PRMT3: variants seen among roughly 807,000 people sequenced by gnomAD.
PRMT3 encodes protein arginine N-methyltransferase 3.
PRMT3 carries 62 observed loss-of-function variants against 71.9 expected under a neutral mutation model. The observed-to-expected ratio is 0.86, with a 90% CI of 0.70 to 1.07. The LOEUF (loss-of-function observed/expected upper bound fraction) is 1.07, where lower values mean the gene tolerates loss of function less well. PRMT3 is among the 50% of genes least tolerant of loss of function. The pLI, the probability that PRMT3 is intolerant of heterozygous loss-of-function variation, is 0.00. For synonymous variants in PRMT3, 213 were observed against 220.4 expected (o/e 0.97, Z 0.30); for missense variants, 663 against 643.0 (o/e 1.03, Z -0.34).
intron 9 of PRMT3, among the ~76,000 whole-genome samples, chr11:20,418,425 A>T (rs1158962790): frequency 6.6e-6 from 1 of 152,198 alleles, no homozygotes; most frequent in Non-Finnish European, 1.5e-5. Context: ...AATTAATGGG[A>T]ATTACAAGGC....
intron 7 of PRMT3, among the ~76,000 whole-genome samples, chr11:20,399,516 T>C (rs1041140343): frequency 2.0e-5 from 3 of 152,220 alleles, no homozygotes; most frequent in African/African-American, 7.2e-5. Context: ...ATTTTCTTTA[T>C]TAAAATTAAT....
chr11:20,436,483 G>T (rs1849763194), intron 10 of PRMT3, among the ~76,000 whole-genome samples: 1 of 152,118 alleles, frequency 6.6e-6, no homozygotes, highest in South Asian at 2.1e-4. Context: ...CTTGTTGAGA[G>T]TATTTATCAT....
At chr11:20,482,782 G>A (rs1850970067) in intron 13 of PRMT3, among the ~76,000 whole-genome samples, 1 of 151,414 alleles carries the variant, frequency 6.6e-6, no homozygotes, top group Middle Eastern at 3.4e-3. Flanking sequence ...TTATGTATAT[G>A]TATGTATTAA....
At chr11:20,391,770 A>G (rs949285519) in intron 3 of PRMT3, among the ~76,000 whole-genome samples, 2 of 152,200 alleles carry the variant, frequency 1.3e-5, no homozygotes, top group African/African-American at 4.8e-5. Context: ...AACAAGCCTT[A>G]TTGGGCTTGC....
chr11:20,480,523 C>T (rs954980078), intron 13 of PRMT3, among the ~76,000 whole-genome samples: 1 of 151,982 alleles, frequency 6.6e-6, no homozygotes, highest in Non-Finnish European at 1.5e-5. Flanking sequence ...TGCTATTTGG[C>T]CGTTTCAGTT....
At chr11:20,437,398 T>C (rs6483684) in intron 10 of PRMT3, among the ~76,000 whole-genome samples, 148,154 of 152,252 alleles carry the variant, frequency 0.97, 72,412 homozygotes, top group Middle Eastern at 1. Context: ...TTGCCTTTTC[T>C]AGACTTCCTA....
intron 13 of PRMT3, among the ~76,000 whole-genome samples, chr11:20,486,436 A>G (rs1184045005): frequency 2.0e-5 from 3 of 152,198 alleles, no homozygotes; most frequent in African/African-American, 7.2e-5. Context: ...TTACCTTTAA[A>G]GAAGAGCTAA....
intron 13 of PRMT3, among the ~76,000 whole-genome samples, chr11:20,490,586 GAGCTTTTGTGAAAATTTGGGTTTAAAAGC>G (rs1416279347): frequency 6.6e-6 from 1 of 151,886 alleles, no homozygotes; most frequent in African/African-American, 2.4e-5. Context: ...AAGCTAATAA[GAGCTTTTGTGAAAATTTGGGTTTAAAAGC>G]AGCTTTTGTG....
intron 13 of PRMT3, 150 bp from the exon 14 acceptor site, chr11:20,493,769 A>AAACT (rs1851265739): frequency 3.3e-6 from 2 of 606,924 alleles, no homozygotes; most frequent in Non-Finnish European, 5.7e-6. Flanking sequence ...GTTTTTACTT[A>AAACT]CAACATCTTT....
At chr11:20,446,367 T>A (rs75255373) in intron 10 of PRMT3, among the ~76,000 whole-genome samples, 1 of 140,770 alleles carries the variant, frequency 7.1e-6, no homozygotes, top group Non-Finnish European at 1.6e-5. Context: ...TTTTTTTTTT[T>A]AACAATTAGT....
At chr11:20,420,366 G>A (rs537130879) in intron 9 of PRMT3, among the ~76,000 whole-genome samples, 56 of 152,252 alleles carry the variant, frequency 3.7e-4, no homozygotes, top group African/African-American at 1.3e-3. Flanking sequence ...GAGTTAGAAA[G>A]CAGTGTCCTA....
At chr11:20,395,388 G>A (rs1056794051) in intron 5 of PRMT3, among the ~76,000 whole-genome samples, 4 of 152,024 alleles carry the variant, frequency 2.6e-5, no homozygotes, top group Non-Finnish European at 4.4e-5. Context: ...GTATTGCCCA[G>A]GTTGGAGTAC....
At chr11:20,482,578 G>C (rs11025578) in intron 13 of PRMT3, among the ~76,000 whole-genome samples, 1 of 152,066 alleles carries the variant, frequency 6.6e-6, no homozygotes, top group Non-Finnish European at 1.5e-5. Context: ...AACATTATTA[G>C]ATTGTGATAA....
intron 3 of PRMT3, among the ~76,000 whole-genome samples, chr11:20,390,741 A>C (rs1281357915): frequency 6.6e-6 from 1 of 152,242 alleles, no homozygotes; most frequent in Admixed American, 6.5e-5. Context: ...ACACTTTGGG[A>C]GGCCAAGGCA....
chr11:20,400,103 A>G (rs1465426718), intron 7 of PRMT3, among the ~76,000 whole-genome samples: 1 of 152,228 alleles, frequency 6.6e-6, no homozygotes, highest in Non-Finnish European at 1.5e-5. Context: ...TGTTTCTTAG[A>G]ACGATTCTTA....
chr11:20,395,806 T>C lies in PRMT3; in HGVS notation c.404T>C (p.Val135Ala). 3 of 1,610,504 alleles carry C rather than the reference T, an allele frequency of 1.9e-6. No homozygotes were observed. The South Asian group carries it at 3.3e-5, about 18-fold the overall frequency. ...TAATGTCCATTTATTTCTTTAGATG[T>C]AGAAGATCTTTATGAACCGGTGTCA... ...LEDDLLLQFD[V>A]EDLYEPVSVP... The change falls in exon 6 of 16, where the codon GTA becomes GCA. Residue 135 changes from valine to alanine, a missense_variant. Val to Ala is a moderately conservative substitution (Grantham distance 64, BLOSUM62 0). Transcript: ENST00000331079.
chr11:20,460,114 T>C (rs1850350319), intron 11 of PRMT3, among the ~76,000 whole-genome samples: 1 of 152,174 alleles, frequency 6.6e-6, no homozygotes, highest in Non-Finnish European at 1.5e-5. Flanking sequence ...GTGGGCTTTA[T>C]TTGGAGAATA....
intron 8 of PRMT3, among the ~76,000 whole-genome samples, chr11:20,404,244 T>G (rs1849021658): frequency 1.9e-5 from 1 of 53,796 alleles, no homozygotes; most frequent in East Asian, 3.6e-4. Context: ...TTTTTTTTTT[T>G]TTTTTTTTGA....
At chr11:20,477,171 A>G (rs1011920004) in intron 13 of PRMT3, among the ~76,000 whole-genome samples, 2 of 152,214 alleles carry the variant, frequency 1.3e-5, no homozygotes, top group Non-Finnish European at 2.9e-5. Flanking sequence ...GGACGTGAGA[A>G]TATTTATGAA....
Sources: allele counts gnomAD v4.1 joint callset (sites outside exome capture counted in the v4.1 genomes callset), GRCh38; gene constraint gnomAD v4.1.1; transcripts MANE v1.5; gene names NCBI Gene and HGNC (gene_info 2026-07-23, HGNC 2026-07-21).